The following CATSPER1 variants were observed in gnomAD, a reference collection of about 807,000 sequenced individuals.
CATSPER1 encodes cation channel sperm-associated protein 1.
CATSPER1 carries 57 observed loss-of-function variants against 72.7 expected under a neutral mutation model. The observed-to-expected ratio is 0.78, with a 90% CI of 0.63 to 0.98. The LOEUF (loss-of-function observed/expected upper bound fraction) is 0.98. Ranked by LOEUF, CATSPER1 falls within the 50% of genes least tolerant of loss-of-function variation. The pLI is 0.00. For missense variants in CATSPER1, 910 were observed against 1,033.9 expected (o/e 0.88, Z 1.64); for synonymous variants, 363 against 403.0 (o/e 0.90, Z 1.19).
Position 66,025,921 on chromosome 11 carries a change from T to C in CATSPER1, c.459A>G (p.Gln153=). 1 of 1,612,832 alleles carries C rather than the reference T, an allele frequency of 6.2e-7. No homozygotes were observed. The highest frequency in any genetic ancestry group is 1.1e-5 in the South Asian group (1 of 90,990). The change falls in exon 1 of 12, where the codon CAA becomes CAG. Residue 153 remains glutamine (Q), a synonymous_variant. Coordinates refer to ENST00000312106, the MANE Select transcript of CATSPER1 (RefSeq NM_053054.4). ...AGTGGGATAAATTCTCACCGAGATA[T>C]TGGGGTCTGCCATGGTGAGACCCCC... The part of the protein sequence containing the change: ...YHRGSHHGRP[Q]YLGENLSHYS...
chr11:66,025,875 G>C lies in CATSPER1; in HGVS notation c.505C>G (p.His169Asp), dbSNP rs1298812806. ...CCACCATGGTGGGAAGCCTCACCGT[G>C]GTGGGGCACGCCAGAGGAATAGTGG... ...LSHYSSGVPHHGEASHHGGSY... is the reference protein window; with the variant it reads ...LSHYSSGVPHDGEASHHGGSY... The change falls in exon 1 of 12, where the codon CAC becomes GAC. Residue 169 changes from histidine (H) to aspartate (D), a missense_variant. By Grantham distance (81) the His-to-Asp change is moderately conservative (BLOSUM62 -1). Transcript: ENST00000312106. 2.5e-6 allele frequency: 4 copies of C among 1,613,604 alleles called. No homozygotes were observed. The highest frequency in any genetic ancestry group is 1.6e-4 in the Middle Eastern group (1 of 6,084).
At chr11:66,021,970 C>T (rs1856383087) in intron 2 of CATSPER1, 91 bp from the exon 3 acceptor site, 2 of 978,534 alleles carry the variant, frequency 2.0e-6, no homozygotes, top group Non-Finnish European at 3.3e-6. Context: ...CCCAGATTCC[C>T]AGGCTCTCCC....
intron 2 of CATSPER1, 87 bp from the exon 3 acceptor site, chr11:66,021,966 T>A (rs1856382934): frequency 9.9e-7 from 1 of 1,005,098 alleles, no homozygotes; most frequent in Non-Finnish European, 1.6e-6. Context: ...CAAGCCCAGA[T>A]TCCCAGGCTC....
Position 66,022,987 on chromosome 11 carries a change from A to G in CATSPER1, c.1291T>C (p.Phe431Leu), listed in dbSNP as rs1399934791. The part of the protein sequence containing the change: ...LFQWLWEKLT[F>L]LIQGFREMIR... The stretch of plus-strand genomic sequence containing the variant: ...ATTTCCCGGAAGCCCTGAATGAGGA[A>G]GGTTAGCTTTTCCCACAGCCACTGG... Residue 431 changes from phenylalanine to leucine, a missense_variant, in exon 2 of 12, where the codon TTC becomes CTC. By Grantham distance (22) the Phe-to-Leu change is conservative. Transcript: ENST00000312106. 1 of 1,614,096 alleles carries G rather than the reference A, an allele frequency of 6.2e-7. No individual in the cohort carries two copies. The highest frequency in any genetic ancestry group is 8.5e-7 in the Non-Finnish European group (1 of 1,180,040).
Position 66,026,104 on chromosome 11 carries a change from G to A in CATSPER1, c.276C>T (p.Gly92=), listed in dbSNP as rs754610805. The A allele has an allele frequency of 2.6e-5, 42 of 1,611,828 alleles. No homozygotes were observed. In the East Asian group the frequency reaches 9.2e-4, roughly 35 times the overall value. ...AGGGAGCCAGACCAAAGCCTGTGGG[G>A]CCATGGGCTCTGCCGTGATTCCGTG... ...SEARNHGRAH[G]PTGFGLAPSQ... Residue 92 remains glycine (G), a synonymous_variant, in exon 1 of 12, where the codon GGC becomes GGT. Coordinates refer to ENST00000312106, the MANE Select transcript of CATSPER1 (RefSeq NM_053054.4).
Position 66,020,693 on chromosome 11 carries a change from C to T in CATSPER1, c.1928-66G>A. 6.3e-7 allele frequency: 1 copy of T among 1,595,082 alleles called. No individual in the cohort carries two copies. Among genetic ancestry groups the T allele is most frequent in the Non-Finnish European group, 8.6e-7 (1 of 1,166,018 alleles). Reference sequence around the variant, plus strand: ...GCCACCCCCAACCACGACCTGCTCCCTTCCCATACCCGGACATGCAGGCAT... The same window carrying T: ...GCCACCCCCAACCACGACCTGCTCCTTTCCCATACCCGGACATGCAGGCAT... On this transcript the variant is annotated intron_variant, in intron 6 of 11. Coordinates refer to ENST00000312106, the MANE Select transcript of CATSPER1 (RefSeq NM_053054.4). This position sits in a 1 kb window ranked among gnomAD's most constrained non-coding sequence, Gnocchi z 4.5.
In CATSPER1 at chr11:66,016,930, T is replaced by TG; in HGVS notation, c.2317-15dup. 1 of 1,613,836 alleles carries TG rather than the reference T, an allele frequency of 6.2e-7. No individual in the cohort carries two copies. Among genetic ancestry groups the TG allele is most frequent in the Non-Finnish European group, 8.5e-7 (1 of 1,179,926 alleles). On this transcript the variant is annotated splice_polypyrimidine_tract_variant and intron_variant, in intron 11 of 11. Transcript: ENST00000312106. ...CTCTTCTCCAGCCTGCAGGGGTGAG[T>TG]GGGGCACTGGTGGGTGAATGAGCCA...
chr11:66,021,701 A>T, intron 3 of CATSPER1, 58 bp from the exon 4 acceptor site: 1 of 1,612,088 alleles, frequency 6.2e-7, no homozygotes, highest in African/African-American at 1.3e-5. Flanking sequence ...CCCCTTCCCC[A>T]TCCTTCTCTC....
At chr11:66,018,204 T>C (rs941700569) in intron 10 of CATSPER1, among the ~76,000 whole-genome samples, 2 of 141,712 alleles carry the variant, frequency 1.4e-5, no homozygotes, top group African/African-American at 5.3e-5. Context: ...TGAGACCCTG[T>C]CTCAAAAAAA....
rs772245808 is a variant in CATSPER1 at position 66,026,309 on chromosome 11, C to T, written c.71G>A (p.Arg24His). ...GTGGTGTGGGGGTGATGAGTGAGAG[C>T]GAAAGAACCTATCTGCGTTATTGGT... Reference protein sequence around the residue: ...ADTNNADRFFRSHSSPPHHRP... With the variant: ...ADTNNADRFFHSHSSPPHHRP... The change falls in exon 1 of 12, where the codon CGC becomes CAC. Residue 24 changes from arginine to histidine, a missense_variant. Coordinates refer to ENST00000312106, the MANE Select transcript of CATSPER1 (RefSeq NM_053054.4). 64 of 1,613,996 alleles carry T rather than the reference C, an allele frequency of 4.0e-5. No homozygotes were observed. Among genetic ancestry groups the T allele is most frequent in the South Asian group, 1.9e-4 (17 of 91,090 alleles).
intron 10 of CATSPER1, 53 bp downstream of exon 10, chr11:66,018,774 C>T: frequency 1.9e-6 from 3 of 1,585,934 alleles, no homozygotes; most frequent in South Asian, 2.2e-5. Flanking sequence ...TCCAGCCAGG[C>T]CCCCAGGCCT....
chr11:66,017,264 C>T (rs1590678048), intron 10 of CATSPER1, 90 bp from the exon 11 acceptor site: 1 of 857,346 alleles, frequency 1.2e-6, no homozygotes, highest in East Asian at 2.7e-5. Flanking sequence ...AGAGGCTCTT[C>T]TTGCCTGCCT....
At chr11:66,024,886 A>ACACACC (rs1032526283) in intron 1 of CATSPER1, among the ~76,000 whole-genome samples, 44 of 152,332 alleles carry the variant, frequency 2.9e-4, no homozygotes, top group African/African-American at 1.1e-3. Flanking sequence ...CAGGCAGGCC[A>ACACACC]CACACCCACA....
chr11:66,021,136 G>GC lies in CATSPER1; in HGVS notation c.1740dup (p.Pro581AlafsTer29). The GC allele has an allele frequency of 6.2e-7, 1 of 1,613,396 alleles. No individual in the cohort carries two copies. ...AGGATGAGGATGGCTGCGATGGACG[G>GC]CAAGGACTGGCCCAGGGTCCCTGTC... is the stretch of plus-strand genomic sequence containing the variant. On this transcript the variant is annotated frameshift_variant, in exon 5 of 12. Transcript: ENST00000312106. LOFTEE classifies it high-confidence loss of function.
rs1856406369 is a variant in CATSPER1, at chr11:66,022,891, T to C, written c.1387A>G (p.Met463Val). The C allele has an allele frequency of 6.2e-7, 1 of 1,614,206 alleles. No individual in the cohort carries two copies. The highest frequency in any genetic ancestry group is 1.3e-5 in the African/African-American group (1 of 75,060). ...TCAGCGAAGGTCTGGGCCACCAGCA[T>C]GACGGTGTTGAGGCAGACAACGAAG... is the stretch of plus-strand genomic sequence containing the variant. ...IFFVVCLNTV[M>V]LVAQTFAEVE... The change falls in exon 2 of 12, where the codon ATG becomes GTG. Residue 463 changes from methionine (M) to valine (V), a missense_variant. By Grantham distance (21) the Met-to-Val change is conservative (BLOSUM62 1). Coordinates refer to ENST00000312106, the MANE Select transcript of CATSPER1 (RefSeq NM_053054.4).
intron 10 of CATSPER1, 23 bp from the exon 11 acceptor site, chr11:66,017,197 C>T (rs1455071060): frequency 2.7e-6 from 4 of 1,485,724 alleles, no homozygotes; most frequent in Non-Finnish European, 3.7e-6. Context: ...GGGGGGGTCG[C>T]AGAGACAGGG....
chr11:66,025,780 G>A lies in CATSPER1; in HGVS notation c.600C>T (p.Ser200=), dbSNP rs142855965. 132 of 1,613,558 alleles carry A rather than the reference G, an allele frequency of 8.2e-5. No individual in the cohort carries two copies. In the African/African-American group the frequency reaches 1.0e-3, roughly 12 times the overall value. Residue 200 remains serine (S), a synonymous_variant, in exon 1 of 12, where the codon AGC becomes AGT. Transcript: ENST00000312106. ...GCTGGGACTCATCGTGTTGGAGCCCGCTAAGGTGGGAAGCCTCGCTGTGGT... is the reference window on the plus strand; with the variant it reads ...GCTGGGACTCATCGTGTTGGAGCCCACTAAGGTGGGAAGCCTCGCTGTGGT... ...SFHHSEASHL[S]GLQHDESQHH... is the part of the protein sequence containing the mutation.
Position 66,026,161 on chromosome 11 carries a change from G to A in CATSPER1, c.219C>T (p.Ser73=). ...TGTGGTGGTGAGATTGGTGGACATG[G>A]GAGGACAAGGCTTGGTCGTGGAAGT... ...FQDFHDQALS[S]HVHQSHHHSE... Residue 73 remains serine, a synonymous_variant, in exon 1 of 12, where the codon TCC becomes TCT. Coordinates refer to ENST00000312106, the MANE Select transcript of CATSPER1 (RefSeq NM_053054.4). 4 of 1,605,968 alleles carry A rather than the reference G, an allele frequency of 2.5e-6. No homozygotes were observed. Among genetic ancestry groups the A allele is most frequent in the Non-Finnish European group, 3.4e-6 (4 of 1,173,346 alleles).
In CATSPER1 at chr11:66,022,952, G is replaced by T. The variant is rs200011609; in HGVS notation, c.1326C>A (p.Asn442Lys). The part of the protein sequence containing the change: ...LIQGFREMIR[N>K]LTQSLAFETF... ...TTTCAAAGGCCAAGGATTGGGTCAG[G>T]TTCCGGATCATTTCCCGGAAGCCCT... Residue 442 changes from asparagine to lysine, a missense_variant, in exon 2 of 12, where the codon AAC becomes AAA. Coordinates refer to ENST00000312106, the MANE Select transcript of CATSPER1 (RefSeq NM_053054.4). 2.5e-6 allele frequency: 4 copies of T among 1,614,246 alleles called. No individual in the cohort carries two copies. The highest frequency in any genetic ancestry group is 3.4e-6 in the Non-Finnish European group (4 of 1,180,038).
Sources: allele counts gnomAD v4.1 joint callset (sites outside exome capture counted in the v4.1 genomes callset), GRCh38; gene constraint gnomAD v4.1.1; non-coding constraint Gnocchi (gnomAD v3.1); transcripts MANE v1.5; gene names NCBI Gene and HGNC (gene_info 2026-07-23, HGNC 2026-07-21).